Variants in PPOX observed in about 807,000 individuals in gnomAD.
PPOX encodes protoporphyrinogen oxidase.
A neutral mutation model predicts 54.1 loss-of-function variants in PPOX; 23 were observed. The observed-to-expected ratio is 0.43, with a 90% CI of 0.31 to 0.60. PPOX has a LOEUF of 0.60. Ranked by LOEUF, PPOX falls within the 20% of genes least tolerant of loss-of-function variation. The pLI, the probability that PPOX is intolerant of heterozygous loss-of-function variation, is 0.13. For synonymous variants in PPOX, 224 were observed against 236.1 expected (o/e 0.95, Z 0.47); for missense variants, 512 against 601.1 (o/e 0.85, Z 1.55).
chr1:161,167,501 T>TCCG lies in PPOX; in HGVS notation c.338+17_338+19dup. On this transcript the variant is annotated intron_variant, in intron 4 of 12. Coordinates refer to ENST00000367999, the MANE Select transcript of PPOX (RefSeq NM_001122764.3). The stretch of plus-strand genomic sequence containing the variant: ...ACTGGCCTCAGGTAACACCAGCACC[T>TCCG]CCGCTCCTTTTACTGTGCCCTCATC... The TCCG allele has an allele frequency of 6.3e-7, 1 of 1,589,610 alleles. No individual in the cohort carries two copies. Among genetic ancestry groups the TCCG allele is most frequent in the Non-Finnish European group, 8.6e-7 (1 of 1,166,888 alleles).
At chr1:161,166,041 T>TC, upstream of PPOX, 1 of 964,344 alleles carries the variant, frequency 1.0e-6, no homozygotes. Context: ...GTAGGCCCGG[T>TC]CTGTTGCTAA....
At chr1:161,166,293 A>C (rs2101833733), upstream of PPOX, 5 of 1,019,580 alleles carry the variant, frequency 4.9e-6, no homozygotes, top group Non-Finnish European at 4.7e-6. Context: ...GTTAACCTCC[A>C]GCTCTTACAG....
downstream of PPOX, among the ~76,000 whole-genome samples, chr1:161,174,532 C>CT (rs1417632143): frequency 1.3e-5 from 2 of 152,142 alleles, no homozygotes; most frequent in African/African-American, 4.8e-5. Flanking sequence ...ACAAATCTTG[C>CT]TTGTGTATTG....
chr1:161,167,613 G>A (rs541090495), intron 4 of PPOX, 127 bp downstream of exon 4: 118 of 1,242,804 alleles, frequency 9.5e-5, no homozygotes, highest in Non-Finnish European at 1.2e-4. Context: ...CGCCCAGGAT[G>A]GAGTGCAATG....
chr1:161,172,402 G>A (rs1461163741), downstream of PPOX: 3 of 1,359,420 alleles, frequency 2.2e-6, no homozygotes, highest in South Asian at 2.6e-5. Flanking sequence ...AAATGTTTCT[G>A]TACACACAAA....
chr1:161,166,040 G>T (rs1658778995), upstream of PPOX: 3 of 963,888 alleles, frequency 3.1e-6, no homozygotes, highest in South Asian at 4.8e-5. Flanking sequence ...CGTAGGCCCG[G>T]TCTGTTGCTA....
chr1:161,176,857 C>T (rs1463869712), exon 5 of PPOX: 11 of 1,535,762 alleles, frequency 7.2e-6, no homozygotes, highest in Non-Finnish European at 7.9e-6. Flanking sequence ...AGACCAAGAA[C>T]CAGTTGAAGT....
intron 4 of PPOX, 81 bp from the exon 5 acceptor site, chr1:161,167,914 A>G: frequency 1.9e-6 from 3 of 1,606,194 alleles, no homozygotes; most frequent in Middle Eastern, 2.0e-4. Flanking sequence ...AAGGAAGCCA[A>G]ATGAGTGGAA....
chr1:161,167,394 A>G lies in PPOX; in HGVS notation c.246A>G (p.Ser82=), dbSNP rs769095738. 1 of 1,613,842 alleles carries G rather than the reference A, an allele frequency of 6.2e-7. No homozygotes were observed. Among genetic ancestry groups the G allele is most frequent in the African/African-American group, 1.3e-5 (1 of 74,838 alleles). The change falls in exon 4 of 13, where the codon TCA becomes TCG. Residue 82 remains serine (S), a synonymous_variant. Transcript: ENST00000367999. ...LLLVSELGLD[S]EVLPVRGDHP... Reference sequence around the variant, plus strand: ...AGGTTTCTGAGCTTGGCTTGGATTCAGAAGTGCTGCCTGTCCGGGGAGACC... The same window carrying G: ...AGGTTTCTGAGCTTGGCTTGGATTCGGAAGTGCTGCCTGTCCGGGGAGACC...
At chr1:161,166,019 G>T, upstream of PPOX, 1 of 912,718 alleles carries the variant, frequency 1.1e-6, no homozygotes, top group Non-Finnish European at 1.3e-6. Context: ...TTGCCGGGCG[G>T]CCCTAGCTCC....
chr1:161,167,085 C>A lies in PPOX; in HGVS notation c.88-15C>A, dbSNP rs951888549. 1.2e-6 allele frequency: 2 copies of A among 1,614,196 alleles called. No individual in the cohort carries two copies. Among genetic ancestry groups the A allele is most frequent in the Non-Finnish European group, 1.7e-6 (2 of 1,180,042 alleles). On this transcript the variant is annotated splice_polypyrimidine_tract_variant and intron_variant, in intron 2 of 12. Coordinates refer to ENST00000367999, the MANE Select transcript of PPOX (RefSeq NM_001122764.3). Reference sequence around the variant, plus strand: ...CTACAGGCGGTGCTGCAGTGTCTCTCCCTCTTGTCGCCAGGTGGTCCTAGT... The same window carrying A: ...CTACAGGCGGTGCTGCAGTGTCTCTACCTCTTGTCGCCAGGTGGTCCTAGT...
chr1:161,175,340 C>T, downstream of PPOX: 1 of 924,272 alleles, frequency 1.1e-6, no homozygotes, highest in Admixed American at 2.7e-5. Flanking sequence ...GCTTAGTTCT[C>T]AGGGCTCACT....
chr1:161,176,976 G>A, exon 5 of PPOX: 2 of 1,536,156 alleles, frequency 1.3e-6, no homozygotes, highest in Non-Finnish European at 8.7e-7. Flanking sequence ...CTCCTCAGGT[G>A]CAGGGACCGT....
In PPOX at chr1:161,168,580, A is replaced by AG; in HGVS notation, c.616+10dup. ...CTGGGCCTGCTGCTGGGGGCAGGTGAGGGGGGATTGATTCAGAGGGTGAAA... is the reference window on the plus strand; with the variant it reads ...CTGGGCCTGCTGCTGGGGGCAGGTGAGGGGGGGATTGATTCAGAGGGTGAAA... On this transcript the variant is annotated splice_donor_region_variant and intron_variant, in intron 6 of 12. Transcript: ENST00000367999. 6.2e-7 allele frequency: 1 copy of AG among 1,613,778 alleles called. No homozygotes were observed. Among genetic ancestry groups the AG allele is most frequent in the South Asian group, 1.1e-5 (1 of 91,074 alleles).
chr1:161,174,190 A>G (rs192489475), downstream of PPOX: 3,631 of 822,280 alleles, frequency 4.4e-3, 51 homozygotes, highest in South Asian at 0.022. Flanking sequence ...GGCAGATCAC[A>G]AGGTCAGGAG....
At chr1:161,168,179 A>G in intron 5 of PPOX, 52 bp downstream of exon 5, 1 of 1,613,736 alleles carries the variant, frequency 6.2e-7, no homozygotes, top group Non-Finnish European at 8.5e-7. Context: ...CCAGCTGCAG[A>G]GCTCCCTGTT....
intron 4 of PPOX, chr1:161,176,319 T>C: frequency 1.8e-6 from 1 of 568,678 alleles, no homozygotes; most frequent in East Asian, 2.9e-5. Flanking sequence ...ACTCCCACCA[T>C]CTACTGTCAG....
chr1:161,168,367 GGGGCTGT>G, intron 5 of PPOX, 58 bp from the exon 6 acceptor site: 1 of 1,610,112 alleles, frequency 6.2e-7, no homozygotes, highest in South Asian at 1.1e-5. Context: ...CTACCAAATA[GGGGCTGT>G]GGAAATCAGT....
At chr1:161,171,463 T>G, downstream of PPOX, 1 of 584,506 alleles carries the variant, frequency 1.7e-6, no homozygotes, top group Non-Finnish European at 3.0e-6. Context: ...AGAATAAATA[T>G]TCACAGAGGT....
Sources: allele counts gnomAD v4.1 joint callset (sites outside exome capture counted in the v4.1 genomes callset), GRCh38; gene constraint gnomAD v4.1.1; transcripts MANE v1.5; gene names NCBI Gene and HGNC (gene_info 2026-07-23, HGNC 2026-07-21).